Variants in ROR1 observed in about 807,000 individuals in gnomAD.
The protein encoded by ROR1 is ROR family WNT receptor 1.
A neutral mutation model predicts 78.8 loss-of-function variants in ROR1; 19 were observed. That is an observed-to-expected ratio of 0.24 (90% CI 0.17 to 0.35). The LOEUF (loss-of-function observed/expected upper bound fraction) is 0.35. ROR1 is among the 10% of genes least tolerant of loss of function. The pLI, the probability that ROR1 is intolerant of heterozygous loss-of-function variation, is 1.00. For synonymous variants in ROR1, 386 were observed against 433.6 expected (o/e 0.89, Z 1.36); for missense variants, 917 against 1,177.8 (o/e 0.78, Z 3.24).
In ROR1 at chr1:63,978,352, T is replaced by C. The variant is rs765265797; in HGVS notation, c.92-30953T>C. Among the ~76,000 whole-genome samples the C allele has an allele frequency of 1.8e-4, 27 of 152,232 alleles. 1 individual carries two copies. Among genetic ancestry groups the C allele is most frequent in the Non-Finnish European group, 2.9e-4 (20 of 68,032 alleles). On this transcript the variant is annotated intron_variant, in intron 1 of 8. Transcript: ENST00000371079. ...AAAGTCATGGTCATTAAGGTAGTCA[T>C]ATTAATGTATTCAGTAAGCTGTGTG...
intron 1 of ROR1, among the ~76,000 whole-genome samples, chr1:63,837,816 C>T (rs563137501): frequency 3.3e-5 from 5 of 152,060 alleles, no homozygotes; most frequent in Admixed American, 6.5e-5. Context: ...AACGAGATTC[C>T]GTCTCTTAAA....
At chr1:64,031,763 T>TC (rs1364800947) in intron 2 of ROR1, among the ~76,000 whole-genome samples, 1 of 152,244 alleles carries the variant, frequency 6.6e-6, no homozygotes, top group African/African-American at 2.4e-5. Context: ...CGTATTTCTG[T>TC]CTTCTAAATT....
chr1:63,976,847 A>C (rs1384002055), intron 1 of ROR1, among the ~76,000 whole-genome samples: 1 of 152,200 alleles, frequency 6.6e-6, no homozygotes, highest in South Asian at 2.1e-4. Context: ...CATGGGTCTA[A>C]ACACAAAATT....
rs185605339 is a variant in ROR1 at position 63,861,984 on chromosome 1, G to T, written c.91+87476G>T. On this transcript the variant is annotated intron_variant, in intron 1 of 8. Coordinates refer to ENST00000371079, the MANE Select transcript of ROR1 (RefSeq NM_005012.4). Reference sequence around the variant, plus strand: ...TTCTATAAGGAAAAATAATATTAATGGTATTTTAATTAAGCTTAAGCAATA... The same window carrying T: ...TTCTATAAGGAAAAATAATATTAATTGTATTTTAATTAAGCTTAAGCAATA... 4.6e-5 allele frequency among the ~76,000 whole-genome samples: 7 copies of T among 152,052 alleles called. No homozygotes were observed. In the East Asian group the frequency reaches 1.2e-3, roughly 25 times the overall value.
At chr1:63,786,396 C>T (rs888376080) in intron 1 of ROR1, among the ~76,000 whole-genome samples, 1 of 149,160 alleles carries the variant, frequency 6.7e-6, no homozygotes, top group Non-Finnish European at 1.5e-5. Flanking sequence ...CCTCAGCCTC[C>T]TCAGTAGCTG....
At chr1:63,850,417 C>T (rs962151235) in intron 1 of ROR1, among the ~76,000 whole-genome samples, 6 of 152,346 alleles carry the variant, frequency 3.9e-5, no homozygotes, top group African/African-American at 7.2e-5. Context: ...TGCATGTCTT[C>T]GGCTTCCCTA....
intron 1 of ROR1, among the ~76,000 whole-genome samples, chr1:64,002,752 C>T (rs1005190313): frequency 2.0e-5 from 3 of 152,156 alleles, no homozygotes; most frequent in South Asian, 2.1e-4. Flanking sequence ...ATTTCCTCTC[C>T]TCACCTTGTG....
intron 2 of ROR1, among the ~76,000 whole-genome samples, chr1:64,031,695 A>G (rs1201760805): frequency 3.3e-5 from 5 of 152,202 alleles, no homozygotes; most frequent in African/African-American, 1.2e-4. Context: ...ACAGAATTGG[A>G]TCTTAGAATC....
At chr1:64,144,866 G>A (rs553206440) in intron 7 of ROR1, among the ~76,000 whole-genome samples, 3 of 152,152 alleles carry the variant, frequency 2.0e-5, no homozygotes, top group Admixed American at 2.0e-4. Context: ...AAGGACATGG[G>A]TTCTCATGTT....
chr1:63,804,120 A>C (rs1644814226), intron 1 of ROR1, among the ~76,000 whole-genome samples: 1 of 152,054 alleles, frequency 6.6e-6, no homozygotes. Context: ...TTAGGGACTC[A>C]GGAGGGGGGC....
chr1:64,102,335 G>C (rs1028443766), intron 4 of ROR1, among the ~76,000 whole-genome samples: 2 of 152,190 alleles, frequency 1.3e-5, no homozygotes, highest in Non-Finnish European at 2.9e-5. Context: ...ATCCCTGTCA[G>C]TGTGAGGCAA....
intron 2 of ROR1, among the ~76,000 whole-genome samples, chr1:64,010,390 C>G (rs1646466333): frequency 6.8e-6 from 1 of 145,992 alleles, no homozygotes; most frequent in Admixed American, 6.7e-5. Context: ...TGGTCTCCAT[C>G]ACAAAATCTA....
chr1:63,962,388 A>G (rs555703421), intron 1 of ROR1, among the ~76,000 whole-genome samples: 2 of 152,388 alleles, frequency 1.3e-5, no homozygotes, highest in South Asian at 4.1e-4. Flanking sequence ...ACAATGTGCC[A>G]AGCACTGAGA....
At chr1:63,993,821 C>A (rs1289281566) in intron 1 of ROR1, among the ~76,000 whole-genome samples, 1 of 152,134 alleles carries the variant, frequency 6.6e-6, no homozygotes, top group Non-Finnish European at 1.5e-5. Context: ...ATAGACAATA[C>A]TGCCATGAAA....
intron 2 of ROR1, among the ~76,000 whole-genome samples, chr1:64,043,481 A>C (rs1646760619): frequency 1.3e-5 from 2 of 152,180 alleles, no homozygotes; most frequent in Non-Finnish European, 2.9e-5. Context: ...TGGTTCATTA[A>C]GCCTCAGTAC....
intron 4 of ROR1, among the ~76,000 whole-genome samples, chr1:64,059,195 TC>T (rs1451391648): frequency 3.3e-5 from 5 of 152,294 alleles, no homozygotes; most frequent in African/African-American, 4.8e-5. Context: ...TCTTTTTTTT[TC>T]CTTTGTCAGA....
At chr1:64,076,459 G>C (rs1306698780) in intron 4 of ROR1, among the ~76,000 whole-genome samples, 1 of 152,130 alleles carries the variant, frequency 6.6e-6, no homozygotes, top group Non-Finnish European at 1.5e-5. Context: ...TAAGCATCCA[G>C]GTCAAAGGAA....
chr1:64,047,720 A>G (rs890163549), intron 2 of ROR1, among the ~76,000 whole-genome samples: 3 of 152,236 alleles, frequency 2.0e-5, no homozygotes, highest in African/African-American at 7.2e-5. Context: ...CATCTTAGGA[A>G]CATATGTGCT....
chr1:63,865,148 G>A (rs1299098234), intron 1 of ROR1, among the ~76,000 whole-genome samples: 1 of 152,108 alleles, frequency 6.6e-6, no homozygotes, highest in Admixed American at 6.5e-5. Context: ...GCATCTGCAA[G>A]GGAATTTTTT....
Sources: gnomAD v4.1 joint callset for allele counts (sites outside exome capture counted in the v4.1 genomes callset) on GRCh38, gnomAD v4.1.1 for gene constraint, MANE v1.5 for transcripts, NCBI Gene and HGNC (gene_info 2026-07-23, HGNC 2026-07-21) for gene names.